EEA1: variants seen among roughly 807,000 people sequenced by gnomAD.
The protein encoded by EEA1 is early endosome antigen 1, also known as early endosome antigen 1, 162kD.
In EEA1, 111 loss-of-function variants were observed where a neutral mutation model predicts 209.2. The observed-to-expected ratio is 0.53, with a 90% confidence interval of 0.45 to 0.62. EEA1 has a LOEUF of 0.62. Ranked by LOEUF, EEA1 falls within the 20% of genes least tolerant of loss-of-function variation. The probability of loss-of-function intolerance (pLI) is 0.00; values close to 1 mark genes in which losing one functional copy is unlikely to be tolerated. For synonymous variants in EEA1, 536 were observed against 540.6 expected, an observed-to-expected ratio of 0.99 and a Z score of 0.12; for missense variants, 1,343 against 1,530.8, an observed-to-expected ratio of 0.88 and a Z score of 2.05.
intron 1 of EEA1, among the ~76,000 whole-genome samples, chr12:92,906,054 G>A (rs1252210821): frequency 1.3e-5 from 2 of 151,206 alleles, no homozygotes; most frequent in Non-Finnish European, 2.9e-5. Context: ...CTACAGATGA[G>A]TGCCACCACA....
At chr12:92,857,559 C>A in intron 3 of EEA1, 74 bp from the exon 4 acceptor site, 2 of 904,866 alleles carry the variant, frequency 2.2e-6, no homozygotes, top group African/African-American at 1.7e-5. Context: ...GAAATCATGG[C>A]TAGTAATTGT....
Position 92,797,661 on chromosome 12 carries a change from A to G in EEA1, c.2967+1231T>C, listed in dbSNP as rs991232304. ...AAATATTTGGATACAAGGCTAGTAT[A>G]TTTTGAAGAAAATGACCTCAGGATA... On this transcript the variant is annotated intron_variant, in intron 21 of 28. Coordinates refer to ENST00000322349, the MANE Select transcript of EEA1 (RefSeq NM_003566.4). 2.6e-5 allele frequency among the ~76,000 whole-genome samples: 4 copies of G among 152,230 alleles called. No individual in the cohort carries two copies. The East Asian group carries it at 7.7e-4, about 29-fold the overall frequency.
At chr12:92,843,644 T>C (rs1163216296) in intron 9 of EEA1, among the ~76,000 whole-genome samples, 1 of 152,108 alleles carries the variant, frequency 6.6e-6, no homozygotes, top group Non-Finnish European at 1.5e-5. Context: ...GCAAATGACA[T>C]TGACAAAATA....
rs1166432515 is a variant in EEA1 at position 92,886,985 on chromosome 12, C to T, written c.117+4644G>A. 5.1e-5 allele frequency among the ~76,000 whole-genome samples: 6 copies of T among 116,938 alleles called. No homozygotes were observed. The East Asian group carries it at 1.5e-3, about 29-fold the overall frequency. The allele number at this position is 116,938 out of a possible 152,430, so 76.7% of individuals were successfully genotyped here. A position where few individuals can be genotyped will look rare whatever the true frequency, so the allele number is the denominator to read the frequency against. On this transcript the variant is annotated intron_variant, in intron 2 of 28. Coordinates refer to ENST00000322349, the MANE Select transcript of EEA1 (RefSeq NM_003566.4). ...CTGCACTCCAGCCTGGGCAACAGAG[C>T]GGGACTCCATCTCAACAAACAAACA... is the stretch of plus-strand genomic sequence containing the variant.
chr12:92,853,955 C>A lies in EEA1; in HGVS notation c.367-1G>T. 1 of 1,572,188 alleles carries A rather than the reference C, an allele frequency of 6.4e-7. No homozygotes were observed. Among genetic ancestry groups the A allele is most frequent in the Non-Finnish European group, 8.6e-7 (1 of 1,160,156 alleles). Reference sequence around the variant, plus strand: ...TCACCAACCCATCAGGTTTGGCCTCCTCAATTAAAACAAAAGACATAAACA... The same window carrying A: ...TCACCAACCCATCAGGTTTGGCCTCATCAATTAAAACAAAAGACATAAACA... On this transcript the variant is annotated splice_acceptor_variant, in intron 5 of 28. Coordinates refer to ENST00000322349, the MANE Select transcript of EEA1 (RefSeq NM_003566.4). LOFTEE classifies it high-confidence loss of function.
intron 22 of EEA1, among the ~76,000 whole-genome samples, chr12:92,786,756 A>G (rs111921807): frequency 0.019 from 2,830 of 152,244 alleles, 96 homozygotes; most frequent in African/African-American, 0.063. Context: ...GTTGTTTTCT[A>G]AAGTACTATT....
intron 2 of EEA1, chr12:92,883,788 G>A (rs1225691058): frequency 1.3e-6 from 2 of 1,523,952 alleles, no homozygotes; most frequent in Middle Eastern, 2.3e-4. Context: ...CTAAGTCAGA[G>A]TCTCCTAAAG....
rs1400320913 is a variant in EEA1 at position 92,771,511 on chromosome 12, G to A, written c.*4500C>T. The A allele has an allele frequency of 2.0e-5, 3 of 152,038 alleles. No individual in the cohort carries two copies. Among genetic ancestry groups the A allele is most frequent in the Non-Finnish European group, 2.9e-5 (2 of 67,952 alleles). 9.4% of individuals were successfully genotyped at this position (152,038 alleles called of 1,614,324 possible). A position where few individuals can be genotyped will look rare whatever the true frequency, so the allele number is the denominator to read the frequency against. ...GAAAAAAAGGAAAATCTGGAGGACA[G>A]TAACTATTGTTAATAGCTAAGAATA... On this transcript the variant is annotated 3_prime_UTR_variant, in exon 29 of 29. Coordinates refer to ENST00000322349, the MANE Select transcript of EEA1 (RefSeq NM_003566.4).
intron 2 of EEA1, among the ~76,000 whole-genome samples, chr12:92,890,661 T>C (rs1330010632): frequency 6.6e-6 from 1 of 152,220 alleles, no homozygotes; most frequent in African/African-American, 2.4e-5. Context: ...CATCATATTA[T>C]GAACACAGTT....
intron 2 of EEA1, among the ~76,000 whole-genome samples, chr12:92,869,097 T>C (rs74757999): frequency 0.024 from 3,723 of 152,242 alleles, 167 homozygotes; most frequent in African/African-American, 0.084. Context: ...CATGAACAGA[T>C]CGCATGACCT....
intron 18 of EEA1, among the ~76,000 whole-genome samples, chr12:92,804,847 T>C (rs937309836): frequency 6.6e-6 from 1 of 152,080 alleles, no homozygotes; most frequent in South Asian, 2.1e-4. Flanking sequence ...AAAGTCTCTA[T>C]ATGTTTATCT....
rs372221595 is a variant in EEA1 at position 92,876,491 on chromosome 12, C to T, written c.118-11504G>A. ...GGGAGCTCTTTAACCCATCCCACCA[C>T]GTGAGGACACAGGGATAAGACCCTA... On this transcript the variant is annotated intron_variant, in intron 2 of 28. Coordinates refer to ENST00000322349, the MANE Select transcript of EEA1 (RefSeq NM_003566.4). Among the ~76,000 whole-genome samples the T allele has an allele frequency of 1.8e-4, 28 of 152,286 alleles. No homozygotes were observed. In the East Asian group the frequency reaches 4.2e-3, roughly 23 times the overall value.
At chr12:92,885,662 A>G (rs149002495) in intron 2 of EEA1, among the ~76,000 whole-genome samples, 1 of 152,288 alleles carries the variant, frequency 6.6e-6, no homozygotes, top group African/African-American at 2.4e-5. Context: ...CACCTCTCTA[A>G]TGTTCCCATC....
At chr12:92,826,093 AT>A in intron 13 of EEA1, 72 bp downstream of exon 13, 2 of 1,454,820 alleles carry the variant, frequency 1.4e-6, no homozygotes, top group East Asian at 2.4e-5. Context: ...AATTAATTTT[AT>A]TTTTTCTCTT....
chr12:92,896,799 C>T (rs1419051565), intron 1 of EEA1, among the ~76,000 whole-genome samples: 1 of 151,952 alleles, frequency 6.6e-6, no homozygotes, highest in African/African-American at 2.4e-5. Flanking sequence ...AAGAAATTGA[C>T]ACAGCTATCC....
At chr12:92,896,467 C>T (rs988266661) in intron 1 of EEA1, among the ~76,000 whole-genome samples, 4 of 152,108 alleles carry the variant, frequency 2.6e-5, no homozygotes, top group Non-Finnish European at 2.9e-5. Flanking sequence ...AGGATTGACT[C>T]AAGTTTTGAA....
At chr12:92,813,785 C>A (rs1371853185) in intron 15 of EEA1, among the ~76,000 whole-genome samples, 2 of 152,124 alleles carry the variant, frequency 1.3e-5, no homozygotes, top group Non-Finnish European at 2.9e-5. Context: ...GAGGCCAAGG[C>A]AGGCAGATCA....
chr12:92,811,138 T>C, intron 17 of EEA1, 141 bp downstream of exon 17: 1 of 496,686 alleles, frequency 2.0e-6, no homozygotes, highest in Non-Finnish European at 3.3e-6. Context: ...ACATGAAAAA[T>C]TACAAGCAAT....
chr12:92,777,841 C>T (rs1873726930), intron 26 of EEA1, 100 bp downstream of exon 26: 3 of 1,317,722 alleles, frequency 2.3e-6, no homozygotes, highest in Admixed American at 4.5e-5. Context: ...GAGGCTTATG[C>T]ACTTTTCTCA....
Sources: gnomAD v4.1 joint callset for allele counts (sites outside exome capture counted in the v4.1 genomes callset) on GRCh38, gnomAD v4.1.1 for gene constraint, MANE v1.5 for transcripts, NCBI Gene and HGNC (gene_info 2026-07-23, HGNC 2026-07-21) for gene names.